ESRRG: variants seen among roughly 807,000 people sequenced by gnomAD.
ESRRG encodes the protein estrogen related receptor gamma, also known as estrogen-related receptor gamma.
In ESRRG, 13 loss-of-function variants were observed where a neutral mutation model predicts 44.0. That is an observed-to-expected ratio of 0.30 (90% CI 0.19 to 0.47). The LOEUF (loss-of-function observed/expected upper bound fraction) is 0.47. Among genes scored for constraint, ESRRG ranks in the 20% least tolerant of loss-of-function variants. The pLI is 1.00. For missense variants in ESRRG, 395 were observed against 580.6 expected (o/e 0.68, Z 3.29); for synonymous variants, 215 against 214.6 (o/e 1.00, Z -0.02).
At chr1:216,711,987 C>A (rs1172942827) in intron 1 of ESRRG, among the ~76,000 whole-genome samples, 1 of 152,120 alleles carries the variant, frequency 6.6e-6, no homozygotes, top group Non-Finnish European at 1.5e-5. Flanking sequence ...TATTACCTTG[C>A]TTTCATTCAA....
intron 1 of ESRRG, among the ~76,000 whole-genome samples, chr1:217,038,183 G>C (rs1019206859): frequency 1.3e-5 from 2 of 152,224 alleles, no homozygotes; most frequent in Non-Finnish European, 2.9e-5. Flanking sequence ...AAGGGACTCT[G>C]TGTGGGGCCT....
intron 2 of ESRRG, among the ~76,000 whole-genome samples, chr1:216,765,490 C>G (rs1294952077): frequency 2.0e-5 from 3 of 152,056 alleles, no homozygotes; most frequent in Admixed American, 2.0e-4. Context: ...AGCTAGCTAG[C>G]AGGAAGCCAA....
chr1:216,833,130 A>C (rs2095512340), intron 2 of ESRRG, among the ~76,000 whole-genome samples: 1 of 152,148 alleles, frequency 6.6e-6, no homozygotes, highest in South Asian at 2.1e-4. Flanking sequence ...CAGTTCCAGC[A>C]GAGTCAGCGT....
Position 217,121,693 on chromosome 1 carries a change from A to G in ESRRG, c.-230+15974T>C, listed in dbSNP as rs550422416. 2.0e-5 allele frequency among the ~76,000 whole-genome samples: 3 copies of G among 152,330 alleles called. No homozygotes were observed. The South Asian group carries it at 6.2e-4, about 32-fold the overall frequency. On this transcript the variant is annotated intron_variant, in intron 1 of 8. Transcript: ENST00000366940. ...TGGCCATTAACCAAGTCAGGAATGCAAGTTGAGAAGTTAACCTGGGAAGAT... is the reference window on the plus strand; with the variant it reads ...TGGCCATTAACCAAGTCAGGAATGCGAGTTGAGAAGTTAACCTGGGAAGAT...
At chr1:216,807,717 A>C (rs1221737146) in intron 2 of ESRRG, among the ~76,000 whole-genome samples, 1 of 148,966 alleles carries the variant, frequency 6.7e-6, no homozygotes, top group African/African-American at 2.5e-5. Flanking sequence ...TTTGCCAATA[A>C]AAAAAAAAAA....
intron 1 of ESRRG, among the ~76,000 whole-genome samples, chr1:217,132,076 G>A (rs2092974262): frequency 6.6e-6 from 1 of 152,210 alleles, no homozygotes; most frequent in Admixed American, 6.5e-5. Context: ...GGGGATCAGA[G>A]TGGAAAAGGA....
chr1:216,967,532 C>T (rs1409380404), intron 1 of ESRRG, among the ~76,000 whole-genome samples: 1 of 152,126 alleles, frequency 6.6e-6, no homozygotes, highest in East Asian at 1.9e-4. Flanking sequence ...GTAACATGCA[C>T]TTAAGTTTCC....
At chr1:216,886,054 GT>G (rs2096513093) in intron 2 of ESRRG, among the ~76,000 whole-genome samples, 1 of 151,644 alleles carries the variant, frequency 6.6e-6, no homozygotes, top group Non-Finnish European at 1.5e-5. Flanking sequence ...TACTTTCCTT[GT>G]TGTGTAATTC....
chr1:216,894,976 T>C lies in ESRRG; in HGVS notation c.-14+44606A>G, dbSNP rs139824160. On this transcript the variant is annotated intron_variant, in intron 2 of 7. Transcript: ENST00000359162. ...AAGTCTAGTACAGCTCTGATTTATG[T>C]ATCTCCATTATAATTCCCTATAATT... 4.1e-3 allele frequency among the ~76,000 whole-genome samples: 626 copies of C among 152,336 alleles called. 6 individuals carry two copies. The highest frequency in any genetic ancestry group is 0.015 in the African/African-American group (613 of 41,574).
intron 5 of ESRRG, among the ~76,000 whole-genome samples, chr1:216,537,874 T>C (rs2051468310): frequency 6.6e-6 from 1 of 152,088 alleles, no homozygotes; most frequent in South Asian, 2.1e-4. Flanking sequence ...ACTTAGAATT[T>C]AACCACCATG....
chr1:216,694,384 G>T (rs904064704), intron 1 of ESRRG, among the ~76,000 whole-genome samples: 10 of 152,096 alleles, frequency 6.6e-5, no homozygotes, highest in African/African-American at 2.4e-4. Flanking sequence ...ATCAGAAATG[G>T]GTTCAGAAGT....
chr1:216,505,770 G>C lies in ESRRG; in HGVS notation c.*1169C>G, dbSNP rs1324166170. On this transcript the variant is annotated 3_prime_UTR_variant, in exon 7 of 7. Coordinates refer to ENST00000408911, the MANE Select transcript of ESRRG (RefSeq NM_001438.4). ...GTTAAGAAATTGATGTTTGGGACCA[G>C]ACTGGCACACAACATAAATTGCATC... The C allele has an allele frequency of 6.6e-6, 1 of 152,522 alleles. No homozygotes were observed. Among genetic ancestry groups the C allele is most frequent in the Non-Finnish European group, 1.5e-5 (1 of 68,010 alleles). The allele number at this position is 152,522 out of a possible 1,614,324, so 9.4% of individuals were successfully genotyped here. A position where few individuals can be genotyped will look rare whatever the true frequency, so the allele number is the denominator to read the frequency against.
At chr1:216,933,508 G>T (rs1358283552) in intron 2 of ESRRG, among the ~76,000 whole-genome samples, 7 of 152,138 alleles carry the variant, frequency 4.6e-5, no homozygotes, top group Admixed American at 3.9e-4. Flanking sequence ...CTCCATGGCT[G>T]ATTTGAGCTA....
chr1:216,621,481 G>T (rs932228615), intron 3 of ESRRG, among the ~76,000 whole-genome samples: 6 of 152,150 alleles, frequency 3.9e-5, no homozygotes, highest in Admixed American at 2.6e-4. Context: ...GCCCACATGT[G>T]TTGGGTATGT....
intron 5 of ESRRG, among the ~76,000 whole-genome samples, chr1:216,526,689 A>T (rs1201032058): frequency 6.6e-6 from 1 of 152,200 alleles, no homozygotes; most frequent in Non-Finnish European, 1.5e-5. Flanking sequence ...CAAACTGTGG[A>T]CTACACACTT....
chr1:216,891,427 T>TG (rs796911534), intron 2 of ESRRG, among the ~76,000 whole-genome samples: 1 of 152,248 alleles, frequency 6.6e-6, no homozygotes, highest in African/African-American at 2.4e-5. Context: ...TACACATGCA[T>TG]GGGGACGTGC....
chr1:216,826,913 T>A (rs866704892), intron 2 of ESRRG, among the ~76,000 whole-genome samples: 20 of 152,168 alleles, frequency 1.3e-4, no homozygotes, highest in African/African-American at 4.6e-4. Flanking sequence ...ACCTTCAGTA[T>A]CTACAATTTT....
At chr1:216,938,587 A>G (rs1034900684) in intron 2 of ESRRG, among the ~76,000 whole-genome samples, 1 of 152,202 alleles carries the variant, frequency 6.6e-6, no homozygotes, top group East Asian at 1.9e-4. Flanking sequence ...CTAAAGTGCC[A>G]TTTTCCACAC....
In ESRRG at chr1:216,566,856, G is replaced by C. The variant is rs75843768; in HGVS notation, c.700+1132C>G. On this transcript the variant is annotated intron_variant, in intron 4 of 6. Coordinates refer to ENST00000408911, the MANE Select transcript of ESRRG (RefSeq NM_001438.4). The stretch of plus-strand genomic sequence containing the variant: ...AAGGCAAAAGGAAACTATGCCATAT[G>C]TTCACTTAAGCTTTAATTTTATGTA... 4.1e-3 allele frequency among the ~76,000 whole-genome samples: 629 copies of C among 152,256 alleles called. 2 individuals are homozygous for C. Among genetic ancestry groups the C allele is most frequent in the Non-Finnish European group, 6.9e-3 (469 of 68,010 alleles).
Sources: allele counts gnomAD v4.1 joint callset (sites outside exome capture counted in the v4.1 genomes callset), GRCh38; gene constraint gnomAD v4.1.1; transcripts MANE v1.5; gene names NCBI Gene and HGNC (gene_info 2026-07-23, HGNC 2026-07-21).